The following MUCL1 variants were observed in gnomAD, a reference collection of about 807,000 sequenced individuals.
MUCL1 encodes the protein mucin like 1.
Under a neutral mutation model 9.2 loss-of-function variants are expected in MUCL1, and 11 were observed. That is an observed-to-expected ratio of 1.19 (90% CI 0.75 to 1.97). The LOEUF is 1.97. MUCL1 is among the 30% of genes most tolerant of loss of function. The probability of loss-of-function intolerance (pLI) is 0.00; values close to 1 mark genes in which losing one functional copy is unlikely to be tolerated. For missense variants in MUCL1, 144 were observed against 110.9 expected (o/e 1.30, Z -1.34); for synonymous variants, 48 against 40.5 (o/e 1.19, Z -0.71).
At chr12:54,855,044 A>G (rs1341958476) in intron 1 of MUCL1, 72 bp from the exon 2 acceptor site, 5 of 1,315,084 alleles carry the variant, frequency 3.8e-6, no homozygotes, top group Non-Finnish European at 5.4e-6. Flanking sequence ...AATATTGTCC[A>G]TATTCTCTCT....
At chr12:54,840,115 C>T (rs930935386) in intron 1 of MUCL1, among the ~76,000 whole-genome samples, 11 of 152,174 alleles carry the variant, frequency 7.2e-5, no homozygotes, top group African/African-American at 2.4e-4. Flanking sequence ...GTGGGGTAGC[C>T]ACACTCCAGG....
upstream of MUCL1, among the ~76,000 whole-genome samples, chr12:54,837,392 A>G (rs1399725840): frequency 6.6e-6 from 1 of 152,096 alleles, no homozygotes; most frequent in Admixed American, 6.5e-5. Context: ...TTTATCTGAT[A>G]TAAGAATAGC....
At chr12:54,846,007 G>A (rs1959248374) in intron 1 of MUCL1, among the ~76,000 whole-genome samples, 1 of 152,004 alleles carries the variant, frequency 6.6e-6, no homozygotes, top group Non-Finnish European at 1.5e-5. Context: ...AAAAAAACTT[G>A]TAGCTTTTTT....
upstream of MUCL1, among the ~76,000 whole-genome samples, chr12:54,838,338 C>T (rs1005015002): frequency 3.9e-5 from 6 of 152,150 alleles, no homozygotes; most frequent in Non-Finnish European, 8.8e-5. Context: ...TTATCTGATG[C>T]TTTTGTCTCA....
chr12:54,834,541 G>A (rs1407787635), upstream of MUCL1, among the ~76,000 whole-genome samples: 1 of 151,872 alleles, frequency 6.6e-6, no homozygotes, highest in African/African-American at 2.4e-5. Flanking sequence ...GATATACACA[G>A]TGAAGTTGTT....
intron 1 of MUCL1, among the ~76,000 whole-genome samples, chr12:54,844,085 T>G (rs9788257): frequency 0.52 from 79,482 of 151,970 alleles, 21,255 homozygotes; most frequent in East Asian, 0.86. Flanking sequence ...CTTTCTTATA[T>G]TTTTGAGGCT....
In MUCL1 at chr12:54,854,559, C is replaced by T. The variant is rs1428442594; in HGVS notation, c.-24C>T. ...AGGCTTTGAAGCATTTTTGTCTGTGCTCCCTGATCTTCAGGTCACCACCAT... is the reference window on the plus strand; with the variant it reads ...AGGCTTTGAAGCATTTTTGTCTGTGTTCCCTGATCTTCAGGTCACCACCAT... On this transcript the variant is annotated 5_prime_UTR_variant, in exon 1 of 4. Coordinates refer to ENST00000308796, the MANE Select transcript of MUCL1 (RefSeq NM_058173.3). 1 of 1,607,184 alleles carries T rather than the reference C, an allele frequency of 6.2e-7. No individual in the cohort carries two copies. The highest frequency in any genetic ancestry group is 1.1e-5 in the South Asian group (1 of 90,274).
upstream of MUCL1, chr12:54,839,235 T>A: frequency 1.6e-6 from 1 of 617,926 alleles, no homozygotes; most frequent in South Asian, 1.9e-5. Context: ...AGTGGCTTAC[T>A]CAGCTACTGG....
upstream of MUCL1, among the ~76,000 whole-genome samples, chr12:54,853,124 A>G (rs1205640884): frequency 6.6e-6 from 1 of 152,194 alleles, no homozygotes; most frequent in Non-Finnish European, 1.5e-5. Context: ...AAAAGGAGAA[A>G]TAGATGTTCA....
At chr12:54,837,920 A>G (rs147050935), upstream of MUCL1, among the ~76,000 whole-genome samples, 8 of 152,366 alleles carry the variant, frequency 5.3e-5, no homozygotes, top group East Asian at 1.5e-3. Flanking sequence ...ATTCAGTTAC[A>G]TTCATATACA....
At position 54,856,778 on chromosome 12, in the gene MUCL1, G is replaced by T. The variant is rs371095531; in HGVS notation, c.109G>T (p.Ala37Ser). The T allele has an allele frequency of 3.7e-6, 6 of 1,611,872 alleles. No homozygotes were observed. In the African/African-American group the frequency reaches 8.0e-5, roughly 22 times the overall value. The change falls in exon 3 of 4, where the codon GCT becomes TCT. Residue 37 changes from alanine (A) to serine (S), a missense_variant. Ala to Ser is a moderately conservative substitution (Grantham distance 99, BLOSUM62 1). Transcript: ENST00000308796. Reference sequence around the variant, plus strand: ...TTTCCTTCTAATTTCAGCTGGTCCTGCTGATGATGAAGCCCCTGATGCTGA... The same window carrying T: ...TTTCCTTCTAATTTCAGCTGGTCCTTCTGATGATGAAGCCCCTGATGCTGA... ...PADTYPATGP[A>S]DDEAPDAETT...
Position 54,854,631 on chromosome 12 carries a change from G to A in MUCL1, c.49G>A (p.Val17Ile). 4 of 1,612,972 alleles carry A rather than the reference G, an allele frequency of 2.5e-6. No individual in the cohort carries two copies. Among genetic ancestry groups the A allele is most frequent in the Non-Finnish European group, 3.4e-6 (4 of 1,179,284 alleles). The change falls in exon 1 of 4, where the codon GTC (valine) becomes ATC (isoleucine). Residue 17 changes from valine to isoleucine, a missense_variant. Physicochemically the swap from Val to Ile is conservative, Grantham distance 29. Transcript: ENST00000308796. ...ACTCTTGGGAGTTTCCATCTTTCTG[G>A]TCTCTGCCCGTAAGTAAAGATTCTT... is the stretch of plus-strand genomic sequence containing the variant. ...LVLLGVSIFL[V>I]SAQNPTTAAP...
At chr12:54,838,627 TA>T (rs2121483568), upstream of MUCL1, among the ~76,000 whole-genome samples, 1 of 152,264 alleles carries the variant, frequency 6.6e-6, no homozygotes, top group South Asian at 2.1e-4. Flanking sequence ...TCATTTCTTT[TA>T]TTTTTTTTCT....
chr12:54,846,330 C>T (rs1179687532), intron 1 of MUCL1, among the ~76,000 whole-genome samples: 1 of 152,194 alleles, frequency 6.6e-6, no homozygotes, highest in African/African-American at 2.4e-5. Flanking sequence ...TCTGCACCTG[C>T]CCGTCTGCAT....
upstream of MUCL1, among the ~76,000 whole-genome samples, chr12:54,853,626 A>G (rs945226360): frequency 1.1e-4 from 17 of 151,972 alleles, no homozygotes; most frequent in Non-Finnish European, 2.2e-4. Flanking sequence ...ATTGCTCCCC[A>G]TTTTCCATCT....
upstream of MUCL1, among the ~76,000 whole-genome samples, chr12:54,852,239 C>T (rs962703776): frequency 1.3e-5 from 2 of 152,272 alleles, no homozygotes; most frequent in African/African-American, 2.4e-5. Context: ...AGGCATCACA[C>T]TACCTGACTT....
At chr12:54,855,430 C>T (rs865784232) in intron 2 of MUCL1, 2 of 409,844 alleles carry the variant, frequency 4.9e-6, no homozygotes, top group Non-Finnish European at 9.0e-6. Context: ...GGCACAAGAG[C>T]ATGAGGTCTG....
upstream of MUCL1, among the ~76,000 whole-genome samples, chr12:54,852,589 A>T (rs1338908662): frequency 6.6e-6 from 1 of 152,146 alleles, no homozygotes; most frequent in Non-Finnish European, 1.5e-5. Context: ...TGCAGTTTTG[A>T]TCTCTTAAGG....
intron 1 of MUCL1, among the ~76,000 whole-genome samples, chr12:54,848,026 CTTT>C (rs35409980): frequency 1.1e-3 from 150 of 135,576 alleles, no homozygotes; most frequent in South Asian, 4.0e-3. Context: ...CATCTCAATT[CTTT>C]TTTTTTTTTT....
Sources: gnomAD v4.1 joint callset for allele counts (sites outside exome capture counted in the v4.1 genomes callset) on GRCh38, gnomAD v4.1.1 for gene constraint, MANE v1.5 for transcripts, NCBI Gene and HGNC (gene_info 2026-07-23, HGNC 2026-07-21) for gene names.